Variants in RNF220 observed in about 807,000 individuals in gnomAD.
RNF220 encodes the protein ring finger protein 220.
In RNF220, 7 loss-of-function variants were observed where a neutral mutation model predicts 67.1. The ratio of observed to expected loss-of-function variants is 0.10; its 90% confidence interval spans 0.06 to 0.20. RNF220 has a LOEUF of 0.20. Among genes scored for constraint, RNF220 ranks in the 10% least tolerant of loss-of-function variants. RNF220 has a pLI of 1.00. For missense variants in RNF220, 565 were observed against 740.3 expected (o/e 0.76, Z 2.75); for synonymous variants, 270 against 283.2 (o/e 0.95, Z 0.47).
chr1:44,564,874 C>T (rs1307869738), intron 2 of RNF220, among the ~76,000 whole-genome samples: 5 of 152,102 alleles, frequency 3.3e-5, no homozygotes, highest in African/African-American at 7.2e-5. Context: ...CTGGTGGTGT[C>T]GTTCCCTTGC....
intron 2 of RNF220, among the ~76,000 whole-genome samples, chr1:44,464,996 G>A (rs574189440): frequency 1.3e-5 from 2 of 152,246 alleles, no homozygotes; most frequent in East Asian, 3.9e-4. Flanking sequence ...GTGTCTGGAT[G>A]GCAAGAAATG....
At chr1:44,463,108 G>A (rs4660802) in intron 2 of RNF220, among the ~76,000 whole-genome samples, 60,087 of 151,930 alleles carry the variant, frequency 0.4, 12,931 homozygotes, top group Admixed American at 0.55. Flanking sequence ...AGACTGAGGC[G>A]GGCAGATCAC....
intron 2 of RNF220, among the ~76,000 whole-genome samples, chr1:44,439,054 ATT>A (rs1163862321): frequency 2.0e-5 from 3 of 152,242 alleles, no homozygotes; most frequent in Non-Finnish European, 1.5e-5. Context: ...TAGAAACAAC[ATT>A]ACAGAGAACA....
chr1:44,524,570 G>C (rs1205069916), intron 2 of RNF220, among the ~76,000 whole-genome samples: 2 of 152,104 alleles, frequency 1.3e-5, no homozygotes, highest in African/African-American at 2.4e-5. Flanking sequence ...ACGAATGCAG[G>C]CTGGTCTATC....
chr1:44,541,576 T>G (rs1661678082), intron 2 of RNF220, among the ~76,000 whole-genome samples: 1 of 152,272 alleles, frequency 6.6e-6, no homozygotes, highest in African/African-American at 2.4e-5. Flanking sequence ...GAATCATAAC[T>G]TCTGAGCACT....
At chr1:44,489,803 TC>T (rs1656684720) in intron 2 of RNF220, among the ~76,000 whole-genome samples, 2 of 151,606 alleles carry the variant, frequency 1.3e-5, no homozygotes, top group Admixed American at 1.3e-4. Flanking sequence ...AGAATCTGCT[TC>T]ACCAGAATCC....
chr1:44,484,365 G>T (rs1656094801), intron 2 of RNF220, among the ~76,000 whole-genome samples: 1 of 152,154 alleles, frequency 6.6e-6, no homozygotes, highest in Non-Finnish European at 1.5e-5. Flanking sequence ...CTGCGAGGGA[G>T]GCTGGGAATG....
intron 2 of RNF220, among the ~76,000 whole-genome samples, chr1:44,492,242 T>A (rs1209461679): frequency 6.6e-6 from 1 of 152,176 alleles, no homozygotes; most frequent in Non-Finnish European, 1.5e-5. Flanking sequence ...TTAGGATGTA[T>A]ATAATCAAAA....
At chr1:44,432,947 G>A (rs555181375) in intron 2 of RNF220, among the ~76,000 whole-genome samples, 2 of 139,556 alleles carry the variant, frequency 1.4e-5, no homozygotes, top group South Asian at 2.3e-4. Context: ...TCAATTTTGA[G>A]TCTCTCTCTG....
chr1:44,636,398 G>A (rs1031311285), intron 8 of RNF220: 1 of 727,140 alleles, frequency 1.4e-6, no homozygotes, highest in South Asian at 1.5e-5. Context: ...TAGGAGTGAC[G>A]AAGGGGGGCT....
intron 2 of RNF220, chr1:44,572,989 C>T (rs758743135): frequency 3.7e-5 from 15 of 408,900 alleles, no homozygotes; most frequent in South Asian, 5.3e-5. Flanking sequence ...GAGAAGTTCT[C>T]GAGGCCCTCA....
At chr1:44,474,982 A>G (rs1005105074) in intron 2 of RNF220, among the ~76,000 whole-genome samples, 4 of 151,858 alleles carry the variant, frequency 2.6e-5, no homozygotes, top group Non-Finnish European at 4.4e-5. Flanking sequence ...GTGATATACA[A>G]TTGGAGAATT....
chr1:44,544,151 C>T (rs975264392), intron 2 of RNF220, among the ~76,000 whole-genome samples: 1 of 152,224 alleles, frequency 6.6e-6, no homozygotes, highest in African/African-American at 2.4e-5. Context: ...AAACAATGAT[C>T]TCAGTTGCCC....
intron 2 of RNF220, among the ~76,000 whole-genome samples, chr1:44,452,814 T>A (rs1652825556): frequency 6.6e-6 from 1 of 152,166 alleles, no homozygotes; most frequent in Non-Finnish European, 1.5e-5. Context: ...CCTCAGTAGT[T>A]TTTGTTCTCA....
chr1:44,583,703 T>G (rs1181848790), intron 2 of RNF220, among the ~76,000 whole-genome samples: 2 of 152,256 alleles, frequency 1.3e-5, no homozygotes, highest in African/African-American at 2.4e-5. Flanking sequence ...TTCAGCCACT[T>G]CTTTCTTTGT....
At chr1:44,435,152 A>T (rs1053598478) in intron 2 of RNF220, among the ~76,000 whole-genome samples, 2 of 152,198 alleles carry the variant, frequency 1.3e-5, no homozygotes, top group Non-Finnish European at 2.9e-5. Context: ...TGAAGTGCCT[A>T]AAAAAACACC....
At chr1:44,514,507 C>G (rs1019441492) in intron 2 of RNF220, among the ~76,000 whole-genome samples, 1 of 152,182 alleles carries the variant, frequency 6.6e-6, no homozygotes, top group Admixed American at 6.5e-5. Flanking sequence ...GTGAGCTTCA[C>G]TAGAAGCTCT....
chr1:44,511,212 G>A (rs961822406), intron 2 of RNF220, among the ~76,000 whole-genome samples: 10 of 152,336 alleles, frequency 6.6e-5, no homozygotes, highest in African/African-American at 2.2e-4. Flanking sequence ...TTTGCCTGCT[G>A]GAATAGCTTT....
chr1:44,649,837 G>A lies in RNF220; in HGVS notation c.1555-46G>A, dbSNP rs1206373064. 3.1e-6 allele frequency: 5 copies of A among 1,613,628 alleles called. No homozygotes were observed. Among genetic ancestry groups the A allele is most frequent in the Non-Finnish European group, 4.2e-6 (5 of 1,179,600 alleles). On this transcript the variant is annotated intron_variant, in intron 13 of 14. Coordinates refer to ENST00000361799, the MANE Select transcript of RNF220 (RefSeq NM_018150.4). This position sits in a 1 kb window ranked among gnomAD's most constrained non-coding sequence, Gnocchi z 5.9. ...ACGCCCTCTGGGGGAGTTGGAGAGG[G>A]TGGGCCTACCTCAGAGTGACCCCTT...
Sources: allele counts gnomAD v4.1 joint callset (sites outside exome capture counted in the v4.1 genomes callset), GRCh38; gene constraint gnomAD v4.1.1; non-coding constraint Gnocchi (gnomAD v3.1); transcripts MANE v1.5; gene names NCBI Gene and HGNC (gene_info 2026-07-23, HGNC 2026-07-21).